DNAH14: variants seen among roughly 807,000 people sequenced by gnomAD.
DNAH14 encodes axonemal beta dynein heavy chain 14.
A neutral mutation model predicts 520.9 loss-of-function variants in DNAH14; 478 were observed. The observed-to-expected ratio is 0.92, with a 90% CI of 0.85 to 0.99. The LOEUF (loss-of-function observed/expected upper bound fraction) is 0.99, where lower values mean the gene tolerates loss of function less well. DNAH14 is among the 50% of genes least tolerant of loss of function. The pLI is 0.00. For synonymous variants in DNAH14, 1,581 were observed against 1,757.2 expected (o/e 0.90, Z 2.51); for missense variants, 4,831 against 5,234.5 (o/e 0.92, Z 2.38).
chr1:225,342,902 G>A (rs148278062), intron 69 of DNAH14, among the ~76,000 whole-genome samples: 11 of 150,080 alleles, frequency 7.3e-5, no homozygotes, highest in Admixed American at 2.0e-4. Context: ...CTTGGCCGGC[G>A]CTCACAGGTG....
intron 54 of DNAH14, among the ~76,000 whole-genome samples, chr1:225,282,239 G>C (rs1053853247): frequency 2.6e-5 from 4 of 152,206 alleles, no homozygotes; most frequent in African/African-American, 9.7e-5. Context: ...ACCTGCAGGA[G>C]GTCCATGAGC....
intron 43 of DNAH14, among the ~76,000 whole-genome samples, chr1:225,248,478 C>G (rs1376787756): frequency 1.3e-5 from 2 of 152,094 alleles, no homozygotes; most frequent in Non-Finnish European, 2.9e-5. Context: ...TATCAGATAA[C>G]TTTAGATTTG....
chr1:225,141,154 C>G, intron 28 of DNAH14, 133 bp downstream of exon 28: 3 of 820,776 alleles, frequency 3.7e-6, no homozygotes, highest in Non-Finnish European at 3.7e-6. Context: ...TCTAAGCAAA[C>G]TGTACCAATC....
chr1:225,253,636 T>A (rs1399631911), intron 44 of DNAH14, among the ~76,000 whole-genome samples: 1 of 152,110 alleles, frequency 6.6e-6, no homozygotes, highest in Admixed American at 6.6e-5. Context: ...TATCAGAAGA[T>A]GTGTTTTGAA....
At chr1:225,160,297 C>G (rs929367521) in intron 35 of DNAH14, among the ~76,000 whole-genome samples, 3 of 152,076 alleles carry the variant, frequency 2.0e-5, no homozygotes, top group African/African-American at 2.4e-5. Flanking sequence ...TCCCTGAAAT[C>G]CAACCTGTCT....
intron 41 of DNAH14, among the ~76,000 whole-genome samples, chr1:225,223,595 A>C (rs2090258627): frequency 6.6e-6 from 1 of 152,212 alleles, no homozygotes; most frequent in Non-Finnish European, 1.5e-5. Flanking sequence ...GCTAATTTGC[A>C]ACCTATGGGG....
Position 224,953,720 on chromosome 1 carries a change from T to C in DNAH14, c.77+941T>C, listed in dbSNP as rs2449295. Among the ~76,000 whole-genome samples, 382 of 152,278 alleles carry C rather than the reference T, an allele frequency of 2.5e-3. 2 individuals are homozygous for C. The highest frequency in any genetic ancestry group is 8.5e-3 in the African/African-American group (352 of 41,564). ...ATGTTCAATAATGGTGCTGTGACAA[T>C]TGTATATCCTTATTGGGTGGGGGCA... On this transcript the variant is annotated intron_variant, in intron 2 of 85. Coordinates refer to ENST00000682510, the MANE Select transcript of DNAH14 (RefSeq NM_001367479.1).
intron 18 of DNAH14, 24 bp downstream of exon 18, chr1:225,079,572 A>ATT: frequency 1.4e-6 from 2 of 1,384,828 alleles, no homozygotes; most frequent in African/African-American, 1.5e-5. Flanking sequence ...GTTTTTTTGG[A>ATT]TTTTTTTTTT....
intron 27 of DNAH14, among the ~76,000 whole-genome samples, chr1:225,127,438 A>T (rs1228247771): frequency 6.6e-6 from 1 of 151,996 alleles, no homozygotes; most frequent in Non-Finnish European, 1.5e-5. Flanking sequence ...CTTCTTGTTG[A>T]ATTGATCCCT....
rs761219507 is a variant in DNAH14 at position 224,964,654 on chromosome 1, TG to T, written c.498+46del. ...AATTTTGATCTTTAAAAATCAATAT[TG>T]AAATTATATTTTAATTTTTATTTCA... On this transcript the variant is annotated intron_variant, in intron 5 of 85. Transcript: ENST00000682510. 3.3e-4 allele frequency: 454 copies of T among 1,375,972 alleles called. 2 individuals carry two copies. In the South Asian group the frequency reaches 5.9e-3, roughly 18 times the overall value. 85.2% of individuals were successfully genotyped at this position (1,375,972 alleles called of 1,614,324 possible).
chr1:225,002,797 A>G lies in DNAH14; in HGVS notation c.845A>G (p.His282Arg). 2 of 1,548,916 alleles carry G rather than the reference A, an allele frequency of 1.3e-6. No homozygotes were observed. Among genetic ancestry groups the G allele is most frequent in the Non-Finnish European group, 1.7e-6 (2 of 1,145,656 alleles). ...KTEKSRSFLY[H>R]HLFLADDLFQ... is the part of the protein sequence containing the mutation. ...TTAACTTTCAGGTCATTTTTGTACC[A>G]CCATCTTTTTTTGGCTGATGACTTG... The change falls in exon 9 of 86, where the codon CAC becomes CGC. Residue 282 changes from histidine (H) to arginine (R), a missense_variant. By Grantham distance (29) the His-to-Arg change is conservative. Coordinates refer to ENST00000682510, the MANE Select transcript of DNAH14 (RefSeq NM_001367479.1).
chr1:225,171,204 A>G (rs973678988), intron 36 of DNAH14, among the ~76,000 whole-genome samples: 3 of 152,214 alleles, frequency 2.0e-5, no homozygotes, highest in African/African-American at 7.2e-5. Context: ...ATCACAATTA[A>G]AAGAACTAGA....
intron 46 of DNAH14, among the ~76,000 whole-genome samples, chr1:225,263,268 T>A (rs2093002675): frequency 6.6e-6 from 1 of 151,334 alleles, no homozygotes; most frequent in Non-Finnish European, 1.5e-5. Flanking sequence ...ATATATATAA[T>A]ACTTGGATAT....
rs2093325488 is a variant in DNAH14, at chr1:225,271,933, A to C, written c.7699A>C (p.Asn2567His). 3 of 1,544,978 alleles carry C rather than the reference A, an allele frequency of 1.9e-6. No homozygotes were observed. In the South Asian group the frequency reaches 3.6e-5, roughly 19 times the overall value. ...QAHLGIYFSI[N>H]NFTPEVQKSK... is the part of the protein sequence containing the mutation. ...TCATTTGGGAATTTATTTCTCCATC[A>C]ATAACTTCACACCTGAAGTTCAGAA... The change falls in exon 51 of 86, where the codon AAT (asparagine) becomes CAT (histidine). Residue 2567 changes from asparagine (N) to histidine (H), a missense_variant. Coordinates refer to ENST00000682510, the MANE Select transcript of DNAH14 (RefSeq NM_001367479.1).
intron 85 of DNAH14, 128 bp from the exon 86 acceptor site, chr1:225,398,926 C>T (rs2096062231): frequency 3.5e-6 from 3 of 857,664 alleles, no homozygotes; most frequent in South Asian, 3.6e-5. Context: ...CATGCTGTTA[C>T]ATTAACCATT....
chr1:225,302,880 T>C (rs1022190102), intron 56 of DNAH14, among the ~76,000 whole-genome samples: 1 of 152,148 alleles, frequency 6.6e-6, no homozygotes, highest in Non-Finnish European at 1.5e-5. Flanking sequence ...CCCAGCACCA[T>C]CTGACATAAA....
rs1415825262 is a variant in DNAH14 at position 225,140,935 on chromosome 1, G to T, written c.4422G>T (p.Leu1474Phe). The T allele has an allele frequency of 2.6e-6, 4 of 1,551,250 alleles. No homozygotes were observed. Among genetic ancestry groups the T allele is most frequent in the Admixed American group, 3.9e-5 (2 of 50,972 alleles). Reference protein sequence around the residue: ...NSRTKAILGALLILYVHCRDI... With the variant: ...NSRTKAILGAFLILYVHCRDI... Reference sequence around the variant, plus strand: ...GAACAAAAGCTATACTAGGGGCATTGCTTATCCTTTATGTTCACTGCAGAG... The same window carrying T: ...GAACAAAAGCTATACTAGGGGCATTTCTTATCCTTTATGTTCACTGCAGAG... The change falls in exon 28 of 86, where the codon TTG (leucine) becomes TTT (phenylalanine). Residue 1474 changes from leucine to phenylalanine, a missense_variant. Transcript: ENST00000682510.
At chr1:225,121,728 C>A (rs919110394) in intron 26 of DNAH14, among the ~76,000 whole-genome samples, 1 of 151,996 alleles carries the variant, frequency 6.6e-6, no homozygotes, top group East Asian at 1.9e-4. Context: ...GTAGTCCCAG[C>A]TACTTGGGAG....
chr1:225,239,623 C>A (rs1466449041), intron 42 of DNAH14, among the ~76,000 whole-genome samples: 1 of 152,180 alleles, frequency 6.6e-6, no homozygotes, highest in South Asian at 2.1e-4. Context: ...TTCTAATCAG[C>A]CATCTTGGCC....
Sources: gnomAD v4.1 joint callset for allele counts (sites outside exome capture counted in the v4.1 genomes callset) on GRCh38, gnomAD v4.1.1 for gene constraint, MANE v1.5 for transcripts, NCBI Gene and HGNC (gene_info 2026-07-23, HGNC 2026-07-21) for gene names.